Variants in LDB2 observed in about 807,000 individuals in gnomAD.
LDB2 encodes LIM domain binding 2.
A neutral mutation model predicts 44.3 loss-of-function variants in LDB2; 12 were observed. The ratio of observed to expected loss-of-function variants is 0.27; its 90% CI spans 0.17 to 0.44. The LOEUF (loss-of-function observed/expected upper bound fraction) is 0.44, where lower values mean the gene tolerates loss of function less well. Ranked by LOEUF, LDB2 falls within the 20% of genes least tolerant of loss-of-function variation. The pLI, the probability that LDB2 is intolerant of heterozygous loss-of-function variation, is 1.00. For synonymous variants in LDB2, 164 were observed against 174.8 expected (o/e 0.94, Z 0.49); for missense variants, 344 against 473.5 (o/e 0.73, Z 2.54).
intron 1 of LDB2, among the ~76,000 whole-genome samples, chr4:16,825,918 C>T (rs1428446652): frequency 6.6e-6 from 1 of 151,916 alleles, no homozygotes; most frequent in Non-Finnish European, 1.5e-5. Context: ...TTATAAATCA[C>T]CTATGAAACT....
At position 16,586,886 on chromosome 4, in the gene LDB2, C is replaced by T. The variant is rs550174978; in HGVS notation, c.532-881G>A. ...GGATGTAAACATCCCCTTGTCTCCA[C>T]GTCTGCCTTCATGAGACTAGATTAT... is the stretch of plus-strand genomic sequence containing the variant. On this transcript the variant is annotated intron_variant, in intron 4 of 7. Coordinates refer to ENST00000304523, the MANE Select transcript of LDB2 (RefSeq NM_001290.5). Among the ~76,000 whole-genome samples the T allele has an allele frequency of 7.9e-5, 12 of 152,312 alleles. No individual in the cohort carries two copies. The East Asian group carries it at 1.5e-3, about 20-fold the overall frequency.
At chr4:16,825,219 A>G (rs1220388064) in intron 1 of LDB2, among the ~76,000 whole-genome samples, 6 of 152,210 alleles carry the variant, frequency 3.9e-5, no homozygotes, top group Non-Finnish European at 5.9e-5. Flanking sequence ...TGGAATAAAC[A>G]GCTCCAATTA....
chr4:16,687,627 C>A (rs1749574951), intron 2 of LDB2, among the ~76,000 whole-genome samples: 1 of 151,954 alleles, frequency 6.6e-6, no homozygotes, highest in Non-Finnish European at 1.5e-5. Context: ...ACTATCAGAC[C>A]CAACTGGGAG....
intron 5 of LDB2, among the ~76,000 whole-genome samples, chr4:16,515,400 C>T (rs1723269586): frequency 6.6e-6 from 1 of 152,174 alleles, no homozygotes. Flanking sequence ...CACAAACCTG[C>T]ACATGTACTT....
intron 2 of LDB2, among the ~76,000 whole-genome samples, chr4:16,642,535 C>CA (rs991938797): frequency 6.6e-5 from 10 of 152,138 alleles, no homozygotes; most frequent in Non-Finnish European, 1.3e-4. Flanking sequence ...GAAAATCTCA[C>CA]AAAAAAGCAT....
At position 16,502,759 on chromosome 4, in the gene LDB2, C is replaced by T; in HGVS notation, c.1006G>A (p.Asp336Asn). ...GGTGAATTGTTGAAGTCCTCCTCGTCGTCCATGCCGTTGGCCGCATCATAT... is the reference window on the plus strand; with the variant it reads ...GGTGAATTGTTGAAGTCCTCCTCGTTGTCCATGCCGTTGGCCGCATCATAT... The part of the protein sequence containing the change: ...TQYDAANGMD[D>N]EEDFNNSPAL... The change falls in exon 8 of 8, where the codon GAC becomes AAC. Residue 336 changes from aspartate to asparagine, a missense_variant. Physicochemically the swap from Asp to Asn is conservative, Grantham distance 23. Around this residue, in one of 3 missense-constraint regions of LDB2, gnomAD observed 86 missense variants for 171.2 expected, o/e 0.50. Transcript: ENST00000304523. 23 of 1,613,972 alleles carry T rather than the reference C, an allele frequency of 1.4e-5. No individual in the cohort carries two copies. The highest frequency in any genetic ancestry group is 1.9e-5 in the Non-Finnish European group (22 of 1,179,968).
intron 1 of LDB2, among the ~76,000 whole-genome samples, chr4:16,833,353 T>C (rs1168801035): frequency 6.6e-6 from 1 of 152,200 alleles, no homozygotes; most frequent in African/African-American, 2.4e-5. Flanking sequence ...TTAATATTGG[T>C]GTCCTTGAGA....
At chr4:16,520,280 A>C (rs1194542517) in intron 5 of LDB2, among the ~76,000 whole-genome samples, 3 of 136,192 alleles carry the variant, frequency 2.2e-5, no homozygotes, top group African/African-American at 8.5e-5. Context: ...ATAATGAAAA[A>C]ATATATGGAA....
At chr4:16,829,716 G>A (rs781078309) in intron 1 of LDB2, among the ~76,000 whole-genome samples, 4 of 152,150 alleles carry the variant, frequency 2.6e-5, no homozygotes, top group Non-Finnish European at 4.4e-5. Context: ...CTAAATAAAT[G>A]ACTTAGGAAT....
At chr4:16,749,231 C>T (rs774689358) in intron 2 of LDB2, among the ~76,000 whole-genome samples, 16 of 151,550 alleles carry the variant, frequency 1.1e-4, no homozygotes, top group Non-Finnish European at 2.1e-4. Context: ...GACAAAAAAT[C>T]AGTCTTAGCA....
At chr4:16,810,645 G>C (rs537617026) in intron 1 of LDB2, among the ~76,000 whole-genome samples, 1 of 24,610 alleles carries the variant, frequency 4.1e-5, no homozygotes, top group African/African-American at 6.8e-5. Flanking sequence ...TCAAATTCAT[G>C]GTTATGGATC....
chr4:16,811,022 C>T (rs551208147), intron 1 of LDB2, among the ~76,000 whole-genome samples: 1 of 152,284 alleles, frequency 6.6e-6, no homozygotes, highest in Non-Finnish European at 1.5e-5. Context: ...ATTAGGTTCT[C>T]ATAAGGAGCA....
At chr4:16,715,979 C>T (rs1216571278) in intron 2 of LDB2, among the ~76,000 whole-genome samples, 2 of 152,148 alleles carry the variant, frequency 1.3e-5, no homozygotes, top group East Asian at 3.8e-4. Flanking sequence ...TAAAAGCAAG[C>T]TAACATAATT....
chr4:16,764,418 C>T (rs1768713889), intron 1 of LDB2, among the ~76,000 whole-genome samples: 1 of 152,008 alleles, frequency 6.6e-6, no homozygotes, highest in African/African-American at 2.4e-5. Flanking sequence ...ACAGCTAAGA[C>T]CTCTGCTGAG....
intron 5 of LDB2, among the ~76,000 whole-genome samples, chr4:16,561,322 T>C (rs148811174): frequency 0.34 from 52,221 of 152,000 alleles, 11,473 homozygotes; most frequent in East Asian, 0.63. Flanking sequence ...GAAAACCCCA[T>C]CGTCTCAGCT....
At chr4:16,786,538 C>T (rs1774454244) in intron 1 of LDB2, among the ~76,000 whole-genome samples, 2 of 152,122 alleles carry the variant, frequency 1.3e-5, no homozygotes, top group South Asian at 2.1e-4. Context: ...ACTGGTCCTA[C>T]CCTGCATAGT....
chr4:16,503,703 G>A (rs1271753573), intron 7 of LDB2, among the ~76,000 whole-genome samples: 1 of 152,202 alleles, frequency 6.6e-6, no homozygotes, highest in Non-Finnish European at 1.5e-5. Flanking sequence ...ATAAAGGGAA[G>A]ATGAAGAACG....
chr4:16,861,848 G>A (rs1309763078), intron 1 of LDB2, among the ~76,000 whole-genome samples: 1 of 152,176 alleles, frequency 6.6e-6, no homozygotes, highest in Admixed American at 6.5e-5. Flanking sequence ...TTCTCAAATA[G>A]AAACTGGGCA....
chr4:16,890,354 G>T lies in LDB2; in HGVS notation c.132+8000C>A, dbSNP rs190987184. ...GGGATCAGATTATAAGATGGAAAGGGGGGGCACGGAGTGCTGTTAAGAGGC... is the reference window on the plus strand; with the variant it reads ...GGGATCAGATTATAAGATGGAAAGGTGGGGCACGGAGTGCTGTTAAGAGGC... On this transcript the variant is annotated intron_variant, in intron 1 of 7. Transcript: ENST00000304523. Among the ~76,000 whole-genome samples the T allele has an allele frequency of 2.4e-4, 37 of 152,304 alleles. 1 individual carries two copies. The highest frequency in any genetic ancestry group is 6.8e-3 in the Middle Eastern group (2 of 294).
Sources: allele counts gnomAD v4.1 joint callset (sites outside exome capture counted in the v4.1 genomes callset), GRCh38; gene constraint gnomAD v4.1.1; regional missense constraint gnomAD v4.1.1; transcripts MANE v1.5; gene names NCBI Gene and HGNC (gene_info 2026-07-23, HGNC 2026-07-21).